The following ZDHHC11 variants were observed in gnomAD, a reference collection of about 807,000 sequenced individuals.
ZDHHC11 encodes the protein palmitoyltransferase ZDHHC11.
Under a neutral mutation model 51.3 loss-of-function variants are expected in ZDHHC11, and 44 were observed. The ratio of observed to expected loss-of-function variants is 0.86; its 90% CI spans 0.67 to 1.10. The LOEUF (loss-of-function observed/expected upper bound fraction) is 1.10. Among genes scored for constraint, ZDHHC11 ranks in the 50% least tolerant of loss-of-function variants. ZDHHC11 has a pLI of 0.00. For missense variants in ZDHHC11, 400 were observed against 537.7 expected (o/e 0.74, Z 2.53); for synonymous variants, 163 against 222.0 (o/e 0.73, Z 2.36).
chr5:840,513 T>C lies in ZDHHC11; in HGVS notation c.766A>G (p.Ile256Val), dbSNP rs764820499. 6.2e-7 allele frequency: 1 copy of C among 1,613,696 alleles called. No individual in the cohort carries two copies. Among genetic ancestry groups the C allele is most frequent in the Non-Finnish European group, 8.5e-7 (1 of 1,179,878 alleles). ...GACATACTCAGGTAGATGTGGAAGA[T>C]GAGCAGCTGGCCCAGGTGCACCAAG... ...LGLVHLGQLLIFHIYLKAKKM... is the reference protein window; with the variant it reads ...LGLVHLGQLLVFHIYLKAKKM... The change falls in exon 5 of 13, where the codon ATC becomes GTC. Residue 256 changes from isoleucine to valine, a missense_variant. Around this residue, in one of 5 missense-constraint regions of ZDHHC11, gnomAD observed 231 missense variants for 227.4 expected, o/e 1.02. Transcript: ENST00000283441.
upstream of ZDHHC11, among the ~76,000 whole-genome samples, chr5:852,202 C>G (rs1422895056): frequency 3.3e-5 from 5 of 152,164 alleles, no homozygotes; most frequent in African/African-American, 1.2e-4. Flanking sequence ...ATGATGTCGC[C>G]AAGTCACATT....
intron 6 of ZDHHC11, among the ~76,000 whole-genome samples, chr5:834,913 GTTTAC>G (rs913053258): frequency 3.3e-5 from 5 of 151,968 alleles, no homozygotes; most frequent in Non-Finnish European, 7.4e-5. Context: ...TTACTGACAT[GTTTAC>G]TTTATTGTGG....
chr5:859,200 G>A (rs1299314458), upstream of ZDHHC11, among the ~76,000 whole-genome samples: 1 of 152,054 alleles, frequency 6.6e-6, no homozygotes, highest in Non-Finnish European at 1.5e-5. Context: ...GACGTACTAG[G>A]CCCCTGCTTG....
intron 1 of ZDHHC11, among the ~76,000 whole-genome samples, chr5:856,652 A>G (rs1748295862): frequency 6.6e-6 from 1 of 151,324 alleles, no homozygotes; most frequent in Non-Finnish European, 1.5e-5. Flanking sequence ...CACACCACAC[A>G]CTGCACGTGC....
chr5:803,798 T>C (rs1738834219), intron 11 of ZDHHC11, among the ~76,000 whole-genome samples: 1 of 150,462 alleles, frequency 6.6e-6, no homozygotes, highest in Non-Finnish European at 1.5e-5. Context: ...GTAGTAGAGA[T>C]AGAAATTATA....
intron 7 of ZDHHC11, among the ~76,000 whole-genome samples, chr5:832,101 T>C (rs1462842613): frequency 8.2e-6 from 1 of 121,986 alleles, no homozygotes; most frequent in Middle Eastern, 3.5e-3. Flanking sequence ...TCTGTATATA[T>C]GTAAATACCA....
chr5:860,527 C>T (rs1214026087), upstream of ZDHHC11, among the ~76,000 whole-genome samples: 1 of 152,046 alleles, frequency 6.6e-6, no homozygotes, highest in Non-Finnish European at 1.5e-5. This position sits in a 1 kb window ranked among gnomAD's most constrained non-coding sequence, Gnocchi z 4.2. Flanking sequence ...TCCCCATGTG[C>T]TGCTGTAACA....
In ZDHHC11 at chr5:850,972, C is replaced by G. The variant is rs574181260; in HGVS notation, c.-370G>C. 2.4e-5 allele frequency: 8 copies of G among 330,258 alleles called. No homozygotes were observed. The East Asian group carries it at 4.8e-4, about 20-fold the overall frequency. 20.5% of individuals were successfully genotyped at this position (330,258 alleles called of 1,614,324 possible). ...GACAGCCCCCACACAGCGACAGGTCCCACAACCCGTTCACGAATACACAGG... is the reference window on the plus strand; with the variant it reads ...GACAGCCCCCACACAGCGACAGGTCGCACAACCCGTTCACGAATACACAGG... On this transcript the variant is annotated 5_prime_UTR_variant, in exon 1 of 13. Transcript: ENST00000283441.
At chr5:836,781 C>A (rs1317373095) in intron 6 of ZDHHC11, among the ~76,000 whole-genome samples, 3 of 149,978 alleles carry the variant, frequency 2.0e-5, no homozygotes, top group African/African-American at 7.4e-5. Flanking sequence ...ATGTTTCAGG[C>A]CAGGTACAGT....
At position 850,367 on chromosome 5, in the gene ZDHHC11, G is replaced by C. The variant is rs369443534; in HGVS notation, c.222+14C>G. 1.9e-6 allele frequency: 3 copies of C among 1,612,770 alleles called. No individual in the cohort carries two copies. Among genetic ancestry groups the C allele is most frequent in the Non-Finnish European group, 2.5e-6 (3 of 1,179,532 alleles). ...ACCCCTCCCGCTTAGACCATGCCAC[G>C]ATGAAAAGGATACCACGTAGGCAAT... On this transcript the variant is annotated intron_variant, in intron 1 of 12. Transcript: ENST00000283441.
At chr5:819,404 A>G in intron 10 of ZDHHC11, 121 bp downstream of exon 10, 1 of 1,034,574 alleles carries the variant, frequency 9.7e-7, no homozygotes, top group Non-Finnish European at 1.5e-6. Flanking sequence ...TGTGAGCAGC[A>G]CCCTTGGACA....
chr5:835,607 G>A (rs1228017546), intron 6 of ZDHHC11, among the ~76,000 whole-genome samples: 1 of 151,944 alleles, frequency 6.6e-6, no homozygotes, highest in Non-Finnish European at 1.5e-5. Flanking sequence ...ATACATTTTA[G>A]GACCACCTTG....
At chr5:805,890 G>A (rs904484551) in intron 11 of ZDHHC11, among the ~76,000 whole-genome samples, 3 of 151,162 alleles carry the variant, frequency 2.0e-5, no homozygotes, top group East Asian at 1.9e-4. Context: ...GGTGAGGAGC[G>A]AGGATGGGGG....
chr5:836,714 T>C (rs574578015), intron 6 of ZDHHC11, among the ~76,000 whole-genome samples: 1 of 149,738 alleles, frequency 6.7e-6, no homozygotes, highest in Non-Finnish European at 1.5e-5. Context: ...TTGAGTTAGT[T>C]ATAATAATTC....
At chr5:846,543 G>A (rs112874620) in intron 3 of ZDHHC11, among the ~76,000 whole-genome samples, 9,479 of 131,870 alleles carry the variant, frequency 0.072, 802 homozygotes, top group African/African-American at 0.26. Flanking sequence ...GGGGAAACAC[G>A]TCTCATCTGT....
At chr5:816,969 GAC>G (rs1740885065) in intron 10 of ZDHHC11, 1 of 265,280 alleles carries the variant, frequency 3.8e-6, no homozygotes, top group South Asian at 5.0e-5. Context: ...CAGGCTCCCT[GAC>G]ACTCTCCCCA....
chr5:823,045 A>AT (rs1741767344), intron 8 of ZDHHC11, among the ~76,000 whole-genome samples: 2 of 149,810 alleles, frequency 1.3e-5, no homozygotes, highest in Non-Finnish European at 3.0e-5. Context: ...GGATGAAAGC[A>AT]TATGACTTGT....
At chr5:819,335 G>A (rs576170574) in intron 10 of ZDHHC11, among the ~76,000 whole-genome samples, 190 bp downstream of exon 10, 45 of 151,590 alleles carry the variant, frequency 3.0e-4, no homozygotes, top group African/African-American at 1.0e-3. Context: ...CCCACAGCTG[G>A]GAAGCATTCC....
intron 10 of ZDHHC11, among the ~76,000 whole-genome samples, chr5:815,695 T>C (rs1338688517): frequency 6.6e-6 from 1 of 151,666 alleles, no homozygotes; most frequent in Non-Finnish European, 1.5e-5. Flanking sequence ...TGCTTGGCGA[T>C]GTGGCATCAT....
Sources: gnomAD v4.1 joint callset for allele counts (sites outside exome capture counted in the v4.1 genomes callset) on GRCh38, gnomAD v4.1.1 for gene constraint, gnomAD v4.1.1 regional missense constraint, Gnocchi (gnomAD v3.1) non-coding constraint, MANE v1.5 for transcripts, NCBI Gene and HGNC (gene_info 2026-07-23, HGNC 2026-07-21) for gene names.